MAP4K5: variants seen among roughly 807,000 people sequenced by gnomAD.
The protein encoded by MAP4K5 is mitogen-activated protein kinase kinase kinase kinase 5.
MAP4K5 carries 82 observed loss-of-function variants against 135.6 expected under a neutral mutation model. The observed-to-expected ratio is 0.60, with a 90% CI of 0.51 to 0.73. The LOEUF is 0.73. MAP4K5 is among the 30% of genes least tolerant of loss of function. The pLI is 0.00. For synonymous variants in MAP4K5, 347 were observed against 335.0 expected, an observed-to-expected ratio of 1.04 and a Z score of -0.39; for missense variants, 907 against 1,010.9, an observed-to-expected ratio of 0.90 and a Z score of 1.39.
upstream of MAP4K5, chr14:50,533,509 G>A (rs2038450030): frequency 6.6e-6 from 1 of 152,106 alleles, no homozygotes; most frequent in African/African-American, 2.4e-5. Context: ...AAGTAATTTG[G>A]CTGATATTTC....
chr14:50,444,145 T>C (rs1303026908), intron 18 of MAP4K5, 109 bp from the exon 19 acceptor site: 3 of 737,398 alleles, frequency 4.1e-6, no homozygotes, highest in South Asian at 3.2e-5. Context: ...TGATCCTTTA[T>C]TGGGGAATAT....
intron 21 of MAP4K5, among the ~76,000 whole-genome samples, 184 bp from the exon 22 acceptor site, chr14:50,440,625 A>G (rs964416782): frequency 3.3e-5 from 5 of 152,140 alleles, no homozygotes; most frequent in African/African-American, 7.2e-5. Context: ...ATTTTTTAAA[A>G]GCAGATATAT....
At chr14:50,429,798 T>C (rs1273141235) in intron 28 of MAP4K5, among the ~76,000 whole-genome samples, 2 of 152,170 alleles carry the variant, frequency 1.3e-5, no homozygotes, top group Non-Finnish European at 2.9e-5. Flanking sequence ...CTGAGTAACA[T>C]AATGAACAAT....
intron 14 of MAP4K5, among the ~76,000 whole-genome samples, chr14:50,451,569 A>C (rs2036485780): frequency 6.6e-6 from 1 of 152,164 alleles, no homozygotes; most frequent in South Asian, 2.1e-4. Flanking sequence ...AGTACCTCAT[A>C]TCTTTTTTTA....
chr14:50,459,011 G>A (rs2036653016), intron 13 of MAP4K5, among the ~76,000 whole-genome samples: 1 of 151,974 alleles, frequency 6.6e-6, no homozygotes, highest in African/African-American at 2.4e-5. Context: ...GGGTCTCACT[G>A]TGTTGCCCAG....
chr14:50,509,743 A>G (rs1477006922), intron 2 of MAP4K5, among the ~76,000 whole-genome samples: 3 of 152,058 alleles, frequency 2.0e-5, no homozygotes, highest in African/African-American at 7.2e-5. Context: ...CAAACATAAT[A>G]GCCACTTCTA....
intron 18 of MAP4K5, among the ~76,000 whole-genome samples, chr14:50,444,309 T>C (rs1197146695): frequency 6.6e-6 from 1 of 152,184 alleles, no homozygotes; most frequent in Non-Finnish European, 1.5e-5. Context: ...TTTTTATAAT[T>C]GAACTTCAAT....
intron 2 of MAP4K5, among the ~76,000 whole-genome samples, chr14:50,530,646 T>C (rs1426294428): frequency 6.6e-6 from 1 of 152,186 alleles, no homozygotes; most frequent in Non-Finnish European, 1.5e-5. Context: ...AAGAAGAGGA[T>C]TGTTACAAAC....
chr14:50,426,090 T>C (rs1479138105), intron 30 of MAP4K5, 113 bp from the exon 31 acceptor site: 4 of 632,636 alleles, frequency 6.3e-6, no homozygotes, highest in African/African-American at 1.8e-5. Context: ...AGTGCAAAAT[T>C]CCACTGTCTA....
In MAP4K5 at chr14:50,419,836, A is replaced by G. The variant is rs1192154666; in HGVS notation, c.*183T>C. Reference sequence around the variant, plus strand: ...CTTGATATAACCACCACACAGTGGCAAGAGATAGACTAGCTGTTTCCAGCT... The same window carrying G: ...CTTGATATAACCACCACACAGTGGCGAGAGATAGACTAGCTGTTTCCAGCT... On this transcript the variant is annotated 3_prime_UTR_variant, in exon 33 of 33. Coordinates refer to ENST00000682126, the MANE Select transcript of MAP4K5 (RefSeq NM_006575.6). The G allele has an allele frequency of 3.6e-6, 2 of 550,592 alleles. No homozygotes were observed. Among genetic ancestry groups the G allele is most frequent in the Non-Finnish European group, 6.5e-6 (2 of 307,716 alleles). 34.1% of individuals were successfully genotyped at this position (550,592 alleles called of 1,614,324 possible).
chr14:50,479,400 C>T (rs183150076), intron 6 of MAP4K5, among the ~76,000 whole-genome samples: 12 of 152,008 alleles, frequency 7.9e-5, no homozygotes, highest in South Asian at 6.2e-4. Context: ...TAATCATCTG[C>T]TAATTTCATC....
intron 1 of MAP4K5, among the ~76,000 whole-genome samples, chr14:50,555,608 G>A (rs1352479684): frequency 5.9e-5 from 9 of 152,034 alleles, no homozygotes; most frequent in Non-Finnish European, 1.5e-5. Flanking sequence ...TTGAAGCCAC[G>A]GTATTATCCC....
chr14:50,491,028 C>T (rs1449822223), intron 3 of MAP4K5, among the ~76,000 whole-genome samples: 1 of 152,096 alleles, frequency 6.6e-6, no homozygotes, highest in African/African-American at 2.4e-5. Context: ...TATAAGGGTC[C>T]TCTGCATTAC....
At chr14:50,455,993 ATCT>A (rs1424925995) in intron 14 of MAP4K5, among the ~76,000 whole-genome samples, 1 of 152,114 alleles carries the variant, frequency 6.6e-6, no homozygotes, top group Non-Finnish European at 1.5e-5. Context: ...CTTAGTGCTA[ATCT>A]GATTTTTAAA....
At chr14:50,536,483 C>T (rs1358559673), upstream of MAP4K5, among the ~76,000 whole-genome samples, 2 of 150,592 alleles carry the variant, frequency 1.3e-5, no homozygotes, top group East Asian at 3.9e-4. Flanking sequence ...TGAGATGTTG[C>T]TGAAAAGTTA....
At chr14:50,443,319 C>G (rs535920689) in intron 20 of MAP4K5, among the ~76,000 whole-genome samples, 1 of 149,102 alleles carries the variant, frequency 6.7e-6, no homozygotes, top group African/African-American at 2.5e-5. Context: ...ATGGGGTTCC[C>G]ATTCACAGAT....
chr14:50,560,328 C>T (rs1320253746), intron 1 of MAP4K5: 3 of 1,612,568 alleles, frequency 1.9e-6, no homozygotes, highest in Non-Finnish European at 2.5e-6. Context: ...CTTCTGCAGC[C>T]TGCACGGGGT....
chr14:50,462,567 A>C, intron 13 of MAP4K5, 98 bp downstream of exon 13: 2 of 739,296 alleles, frequency 2.7e-6, no homozygotes, highest in Non-Finnish European at 2.3e-6. Context: ...GTTTTAACTA[A>C]GTTAAAAGAT....
At chr14:50,439,012 T>G (rs2036162618) in intron 23 of MAP4K5, among the ~76,000 whole-genome samples, 1 of 151,944 alleles carries the variant, frequency 6.6e-6, no homozygotes. Context: ...TTTATTTTCA[T>G]AACAGTAATA....
Sources: allele counts gnomAD v4.1 joint callset (sites outside exome capture counted in the v4.1 genomes callset), GRCh38; gene constraint gnomAD v4.1.1; transcripts MANE v1.5; gene names NCBI Gene and HGNC (gene_info 2026-07-23, HGNC 2026-07-21).